NRIP1: variants seen among roughly 807,000 people sequenced by gnomAD.
NRIP1 encodes the protein nuclear receptor-interacting protein 1.
Under a neutral mutation model 75.0 loss-of-function variants are expected in NRIP1, and 28 were observed. The observed-to-expected ratio is 0.37, with a 90% CI of 0.28 to 0.51. NRIP1 has a LOEUF of 0.51. Ranked by LOEUF, NRIP1 falls within the 20% of genes least tolerant of loss-of-function variation. NRIP1 has a pLI of 0.92. For missense variants in NRIP1, 1,435 were observed against 1,343.7 expected (o/e 1.07, Z -1.06); for synonymous variants, 526 against 487.6 (o/e 1.08, Z -1.04).
chr21:15,008,884 C>CT (rs2088036765), intron 3 of NRIP1, among the ~76,000 whole-genome samples: 1 of 152,112 alleles, frequency 6.6e-6, no homozygotes, highest in Non-Finnish European at 1.5e-5. Flanking sequence ...GTAGAGTTGT[C>CT]TAGAGGCTAT....
chr21:15,062,067 T>C (rs2089435016), intron 1 of NRIP1, among the ~76,000 whole-genome samples: 1 of 152,228 alleles, frequency 6.6e-6, no homozygotes, highest in Non-Finnish European at 1.5e-5. Flanking sequence ...GCTCTAGTTC[T>C]TTCTGTTCAA....
intron 2 of NRIP1, among the ~76,000 whole-genome samples, chr21:15,021,649 G>A (rs1251874645): frequency 2.0e-5 from 3 of 152,116 alleles, no homozygotes; most frequent in Admixed American, 1.3e-4. Context: ...TGAGTCCGAT[G>A]TGCTGACAAA....
chr21:15,026,280 G>T (rs1600889851), intron 2 of NRIP1, among the ~76,000 whole-genome samples: 1 of 152,268 alleles, frequency 6.6e-6, no homozygotes, highest in Non-Finnish European at 1.5e-5. Context: ...AAAAACACAT[G>T]AAAAGATGTT....
At chr21:15,063,673 G>A (rs1306399647) in intron 1 of NRIP1, among the ~76,000 whole-genome samples, 3 of 152,170 alleles carry the variant, frequency 2.0e-5, no homozygotes, top group Non-Finnish European at 4.4e-5. Context: ...AATCCCACAT[G>A]TAATCATTTA....
chr21:14,991,625 A>G (rs2087573891), intron 3 of NRIP1, among the ~76,000 whole-genome samples: 1 of 152,176 alleles, frequency 6.6e-6, no homozygotes, highest in African/African-American at 2.4e-5. Flanking sequence ...AAAAAGGGAG[A>G]CTTGTAAGTG....
At chr21:15,005,659 T>G (rs555545740) in intron 3 of NRIP1, among the ~76,000 whole-genome samples, 2 of 152,326 alleles carry the variant, frequency 1.3e-5, no homozygotes, top group South Asian at 2.1e-4. Flanking sequence ...TAGCAGGATC[T>G]GTGCCAGTGT....
intron 1 of NRIP1, among the ~76,000 whole-genome samples, chr21:15,059,943 C>T (rs1337477600): frequency 6.6e-6 from 1 of 152,068 alleles, no homozygotes; most frequent in Non-Finnish European, 1.5e-5. Context: ...AAATGTATCA[C>T]ATTTATTTTC....
intron 3 of NRIP1, among the ~76,000 whole-genome samples, chr21:14,994,348 C>T (rs369742559): frequency 1.1e-4 from 16 of 152,130 alleles, no homozygotes; most frequent in South Asian, 6.2e-4. Context: ...TGGTCTCGAA[C>T]GCCTGACCTC....
intron 2 of NRIP1, among the ~76,000 whole-genome samples, chr21:15,018,423 A>T: frequency 6.6e-6 from 1 of 152,318 alleles, no homozygotes; most frequent in Admixed American, 6.5e-5. Flanking sequence ...GGTAGAGAGG[A>T]AGCTATTTTA....
chr21:15,014,583 G>C lies in NRIP1; in HGVS notation c.-457-117C>G, dbSNP rs184154113. On this transcript the variant is annotated intron_variant, in intron 2 of 3. Transcript: ENST00000318948. ...CTTGTTCAAGTTCAATGCAAAAGTA[G>C]TCATTTGACAGAAAAATATCAATTG... is the stretch of plus-strand genomic sequence containing the variant. 9.8e-5 allele frequency: 39 copies of C among 396,690 alleles called. No individual in the cohort carries two copies. The Admixed American group carries it at 1.3e-3, about 13-fold the overall frequency. The allele number at this position is 396,690 out of a possible 1,614,324, so 24.6% of individuals were successfully genotyped here.
At chr21:15,008,637 A>T (rs994025343) in intron 3 of NRIP1, among the ~76,000 whole-genome samples, 1 of 151,694 alleles carries the variant, frequency 6.6e-6, no homozygotes, top group African/African-American at 2.4e-5. Flanking sequence ...TGCAGTTATT[A>T]AAAAAAAACT....
intron 3 of NRIP1, among the ~76,000 whole-genome samples, chr21:15,005,425 TGTTG>T (rs1268364094): frequency 1.3e-5 from 2 of 152,072 alleles, no homozygotes; most frequent in African/African-American, 4.8e-5. Context: ...TAAAGGAAGT[TGTTG>T]GTTGGTTGAA....
intron 3 of NRIP1, among the ~76,000 whole-genome samples, chr21:15,008,184 G>C (rs1290158604): frequency 2.6e-5 from 4 of 152,038 alleles, no homozygotes; most frequent in African/African-American, 4.8e-5. Flanking sequence ...GAGTCACCAG[G>C]GCCAAGTAAA....
rs571892812 is a variant in NRIP1 at position 14,965,121 on chromosome 21, T to C, written c.3072A>G (p.Arg1024=). The part of the protein sequence containing the change: ...FPEHLGCAGS[R]PESGLLNGCS... ...ACCCATTCAAAAGCCCAGATTCTGG[T>C]CTAGACCCTGCACAGCCCAAGTGCT... Residue 1024 remains arginine, a synonymous_variant, in exon 4 of 4, where the codon AGA becomes AGG. Transcript: ENST00000318948. 35 of 1,613,080 alleles carry C rather than the reference T, an allele frequency of 2.2e-5. 2 individuals are homozygous for C. The South Asian group carries it at 3.7e-4, about 17-fold the overall frequency.
In NRIP1 at chr21:14,968,309, T is replaced by A. The variant is rs2146944764; in HGVS notation, c.-117A>T. On this transcript the variant is annotated 5_prime_UTR_variant, in exon 4 of 4. Transcript: ENST00000318948. ...ATCAGTTTATCACCTTCCATCGCAA[T>A]CAGAGAGAGACGTACTGTTACATTC... 1 of 684,238 alleles carries A rather than the reference T, an allele frequency of 1.5e-6. No individual in the cohort carries two copies. The highest frequency in any genetic ancestry group is 2.5e-6 in the Non-Finnish European group (1 of 398,626). The allele number at this position is 684,238 out of a possible 1,614,324, so 42.4% of individuals were successfully genotyped here.
At chr21:15,028,790 C>T (rs2088580133) in intron 2 of NRIP1, among the ~76,000 whole-genome samples, 1 of 152,042 alleles carries the variant, frequency 6.6e-6, no homozygotes, top group South Asian at 2.1e-4. Flanking sequence ...TTTTAAAAGT[C>T]ATTTCCTATT....
chr21:14,992,787 A>G (rs569641853), intron 3 of NRIP1: 2 of 152,380 alleles, frequency 1.3e-5, no homozygotes, highest in South Asian at 4.1e-4. Context: ...CATAAACATT[A>G]TGAAGTAGAA....
At chr21:15,007,208 A>G (rs1730194428) in intron 3 of NRIP1, among the ~76,000 whole-genome samples, 1 of 152,212 alleles carries the variant, frequency 6.6e-6, no homozygotes, top group Non-Finnish European at 1.5e-5. Context: ...TTAGAAAAAC[A>G]AAACCAGAAG....
At chr21:14,993,447 C>A (rs914016582) in intron 3 of NRIP1, among the ~76,000 whole-genome samples, 1 of 152,078 alleles carries the variant, frequency 6.6e-6, no homozygotes. Context: ...CTAAAAGATA[C>A]CATGAGCCTT....
Sources: allele counts gnomAD v4.1 joint callset (sites outside exome capture counted in the v4.1 genomes callset), GRCh38; gene constraint gnomAD v4.1.1; transcripts MANE v1.5; gene names NCBI Gene and HGNC (gene_info 2026-07-23, HGNC 2026-07-21).